AMOTL2: variants seen among roughly 807,000 people sequenced by gnomAD.
AMOTL2 encodes angiomotin like 2.
A neutral mutation model predicts 78.4 loss-of-function variants in AMOTL2; 33 were observed. The observed-to-expected ratio is 0.42, with a 90% CI of 0.32 to 0.56. The LOEUF is 0.56. Ranked by LOEUF, AMOTL2 falls within the 20% of genes least tolerant of loss-of-function variation. The probability of loss-of-function intolerance (pLI) is 0.12; values close to 1 mark genes in which losing one functional copy is unlikely to be tolerated. For synonymous variants in AMOTL2, 422 were observed against 428.8 expected, an observed-to-expected ratio of 0.98 and a Z score of 0.20; for missense variants, 983 against 1,030.1, an observed-to-expected ratio of 0.95 and a Z score of 0.63.
intron 1 of AMOTL2, chr3:134,371,698 A>G (rs2017874685): frequency 1.3e-6 from 1 of 788,578 alleles, no homozygotes; most frequent in Non-Finnish European, 1.8e-6. Flanking sequence ...TCTGAGCCTC[A>G]GTTTCTCCAC....
intron 5 of AMOTL2, among the ~76,000 whole-genome samples, chr3:134,362,451 A>G (rs2017414384): frequency 6.6e-6 from 1 of 152,074 alleles, no homozygotes; most frequent in Non-Finnish European, 1.5e-5. Flanking sequence ...CTCTGGCTAC[A>G]TGGTGAGGCG....
chr3:134,360,336 T>G lies in AMOTL2; in HGVS notation c.1653A>C (p.Gln551His). 1.2e-6 allele frequency: 2 copies of G among 1,614,204 alleles called. No individual in the cohort carries two copies. The change falls in exon 7 of 10, where the codon CAA becomes CAC. Residue 551 changes from glutamine (Q) to histidine (H), a missense_variant. Physicochemically the swap from Gln to His is conservative, Grantham distance 24. Transcript: ENST00000249883. ...GGATCTGCTCCTCCTTCTCTCGCAGTTGTTCTGACAGTCGCAGGGCGCTGA... is the reference window on the plus strand; with the variant it reads ...GGATCTGCTCCTCCTTCTCTCGCAGGTGTTCTGACAGTCGCAGGGCGCTGA... ...PELSALRLSE[Q>H]LREKEEQILA...
chr3:134,368,521 A>G (rs1352550279), intron 2 of AMOTL2, among the ~76,000 whole-genome samples: 1 of 152,196 alleles, frequency 6.6e-6, no homozygotes, highest in Non-Finnish European at 1.5e-5. Context: ...ACCTTGGGCG[A>G]GTGCCTCAGC....
rs1376236168 is a variant in AMOTL2, at chr3:134,359,443, C to A, written c.1944G>T (p.Gln648His). Residue 648 changes from glutamine (Q) to histidine (H), a missense_variant, in exon 8 of 10, where the codon CAG becomes CAT. Coordinates refer to ENST00000249883, the MANE Select transcript of AMOTL2 (RefSeq NM_016201.4). ...CCTTGCCAGGGTCTCTCCTGGAGCGCTGCTGAAGGACCTTGATCACTGCAT... is the reference window on the plus strand; with the variant it reads ...CCTTGCCAGGGTCTCTCCTGGAGCGATGCTGAAGGACCTTGATCACTGCAT... Reference protein sequence around the residue: ...EKDAVIKVLQQRSRRDPGKAI... With the variant: ...EKDAVIKVLQHRSRRDPGKAI... 1 of 1,614,084 alleles carries A rather than the reference C, an allele frequency of 6.2e-7. No individual in the cohort carries two copies. The highest frequency in any genetic ancestry group is 1.3e-5 in the African/African-American group (1 of 74,956).
rs1338704414 is a variant in AMOTL2 at position 134,356,023 on chromosome 3, T to TG, written c.*1681dup. 6.5e-6 allele frequency: 1 copy of TG among 152,672 alleles called. No homozygotes were observed. The highest frequency in any genetic ancestry group is 2.4e-5 in the African/African-American group (1 of 41,468). 9.5% of individuals were successfully genotyped at this position (152,672 alleles called of 1,614,324 possible). A position where few individuals can be genotyped will look rare whatever the true frequency, so the allele number is the denominator to read the frequency against. ...ACATACAGACACACATCATGGTCTTTGGCAGAAAATGTTCACAGCACAAAA... is the reference window on the plus strand; with the variant it reads ...ACATACAGACACACATCATGGTCTTTGGGCAGAAAATGTTCACAGCACAAAA... On this transcript the variant is annotated 3_prime_UTR_variant, in exon 10 of 10. Transcript: ENST00000249883.
intron 6 of AMOTL2, among the ~76,000 whole-genome samples, chr3:134,361,233 A>G (rs1322079167): frequency 2.0e-5 from 3 of 152,024 alleles, no homozygotes; most frequent in African/African-American, 7.2e-5. Flanking sequence ...TCTAGAGGTC[A>G]AGGACAACTA....
rs780047069 is a variant in AMOTL2, at chr3:134,371,477, C to T, written c.-44G>A. Reference sequence around the variant, plus strand: ...CAGCTGCCTGGACAATGGCCGGTGGCACCTGGCCCCAGAGCACCTGGAGTG... The same window carrying T: ...CAGCTGCCTGGACAATGGCCGGTGGTACCTGGCCCCAGAGCACCTGGAGTG... On this transcript the variant is annotated 5_prime_UTR_variant, in exon 2 of 10. Coordinates refer to ENST00000249883, the MANE Select transcript of AMOTL2 (RefSeq NM_016201.4). The T allele has an allele frequency of 6.3e-7, 1 of 1,589,694 alleles. No individual in the cohort carries two copies. Among genetic ancestry groups the T allele is most frequent in the Non-Finnish European group, 8.5e-7 (1 of 1,172,354 alleles).
At position 134,366,401 on chromosome 3, in the gene AMOTL2, A is replaced by T; in HGVS notation, c.1068T>A (p.Ser356=). 2.2e-5 allele frequency: 36 copies of T among 1,613,350 alleles called. No individual in the cohort carries two copies. The highest frequency in any genetic ancestry group is 3.0e-5 in the Non-Finnish European group (35 of 1,179,908). The change falls in exon 4 of 10, where the codon TCT becomes TCA. Residue 356 remains serine, a synonymous_variant. Coordinates refer to ENST00000249883, the MANE Select transcript of AMOTL2 (RefSeq NM_016201.4). ...CTCTGGTCAGGCTCTCATGGGCCTCAGAGAGCCGCTGGATTTCGCTTTCCA... is the reference window on the plus strand; with the variant it reads ...CTCTGGTCAGGCTCTCATGGGCCTCTGAGAGCCGCTGGATTTCGCTTTCCA... ...EKLESEIQRL[S]EAHESLTRAS...
chr3:134,371,450 C>T lies in AMOTL2; in HGVS notation c.-17G>A, dbSNP rs777354725. 1.8e-5 allele frequency: 29 copies of T among 1,599,158 alleles called. No homozygotes were observed. Among genetic ancestry groups the T allele is most frequent in the Admixed American group, 3.3e-5 (2 of 60,008 alleles). On this transcript the variant is annotated 5_prime_UTR_variant, in exon 2 of 10. In the 5' UTR this introduces an upstream ATG that the reference lacks. Coordinates refer to ENST00000249883, the MANE Select transcript of AMOTL2 (RefSeq NM_016201.4). ...TGTCCTCATGCTTCTTTGGCTTGCA[C>T]ACAGCTGCCTGGACAATGGCCGGTG...
chr3:134,367,295 G>A (rs552448024), intron 3 of AMOTL2, among the ~76,000 whole-genome samples: 1 of 152,246 alleles, frequency 6.6e-6, no homozygotes, highest in African/African-American at 2.4e-5. Context: ...CTGCTCTGCC[G>A]GCCTCTCGGC....
intron 2 of AMOTL2, among the ~76,000 whole-genome samples, chr3:134,370,430 G>A: frequency 6.6e-6 from 1 of 152,332 alleles, no homozygotes; most frequent in East Asian, 1.9e-4. Flanking sequence ...GCTGCAATTT[G>A]TGTACTCTGG....
upstream of AMOTL2, chr3:134,375,283 G>T: frequency 6.6e-7 from 1 of 1,523,230 alleles, no homozygotes; most frequent in Non-Finnish European, 8.8e-7. Flanking sequence ...TGCCACCGCT[G>T]GCTTTTCGCC....
In AMOTL2 at chr3:134,367,689, G is replaced by A; in HGVS notation, c.849C>T (p.Gly283=). 3.1e-6 allele frequency: 5 copies of A among 1,613,490 alleles called. No homozygotes were observed. In the South Asian group the frequency reaches 5.5e-5, roughly 18 times the overall value. The change falls in exon 3 of 10, where the codon GGC becomes GGT. Residue 283 remains glycine, a synonymous_variant. Transcript: ENST00000249883. The stretch of plus-strand genomic sequence containing the variant: ...CAGGTGGACTGAGGGAGCTCAGGGG[G>A]CCATGGCCGAGAGCAGCTGGATGTG... ...PPPHPAALGH[G]PLSSLSPPAV...
At chr3:134,361,891 A>G in intron 5 of AMOTL2, 84 bp from the exon 6 acceptor site, 1 of 1,177,664 alleles carries the variant, frequency 8.5e-7, no homozygotes, top group Non-Finnish European at 1.2e-6. Flanking sequence ...TGACCACTGG[A>G]TGAGCACAGT....
chr3:134,360,680 C>T (rs1227672619), intron 6 of AMOTL2, among the ~76,000 whole-genome samples: 1 of 152,184 alleles, frequency 6.6e-6, no homozygotes, highest in Non-Finnish European at 1.5e-5. Flanking sequence ...ACTGGGAAAA[C>T]TGGTGTACAT....
At position 134,360,428 on chromosome 3, in the gene AMOTL2, G is replaced by A; in HGVS notation, c.1576-15C>T. 4 of 1,599,862 alleles carry A rather than the reference G, an allele frequency of 2.5e-6. No homozygotes were observed. In the South Asian group the frequency reaches 4.5e-5, roughly 18 times the overall value. ...CCTGCCTGTCTCTGCAGAGCAAGGAGTAGAGACCGTGGTCAAGGGTGCAGG... is the reference window on the plus strand; with the variant it reads ...CCTGCCTGTCTCTGCAGAGCAAGGAATAGAGACCGTGGTCAAGGGTGCAGG... On this transcript the variant is annotated splice_polypyrimidine_tract_variant and intron_variant, in intron 6 of 9. Coordinates refer to ENST00000249883, the MANE Select transcript of AMOTL2 (RefSeq NM_016201.4).
In AMOTL2 at chr3:134,371,348, C is replaced by A. The variant is rs765734570; in HGVS notation, c.86G>T (p.Arg29Leu). 1 of 1,611,140 alleles carries A rather than the reference C, an allele frequency of 6.2e-7. No individual in the cohort carries two copies. The change falls in exon 2 of 10, where the codon CGC (arginine) becomes CTC (leucine). Residue 29 changes from arginine to leucine, a missense_variant. Coordinates refer to ENST00000249883, the MANE Select transcript of AMOTL2 (RefSeq NM_016201.4). ...CTGCTGCTGGATGGCTAGCAGCGTG[C>A]GCGTCTCAGTCAGGTTGCCGTAGCG... ...QLRYGNLTET[R>L]TLLAIQQQAL... is the part of the protein sequence containing the mutation.
Position 134,359,288 on chromosome 3 carries a change from G to A in AMOTL2, c.2099C>T (p.Thr700Ile). 1.2e-6 allele frequency: 2 copies of A among 1,614,162 alleles called. No individual in the cohort carries two copies. Among genetic ancestry groups the A allele is most frequent in the South Asian group, 2.2e-5 (2 of 91,082 alleles). Residue 700 changes from threonine (T) to isoleucine (I), a missense_variant, in exon 8 of 10, where the codon ACT (threonine) becomes ATT (isoleucine). Physicochemically the swap from Thr to Ile is moderately conservative, Grantham distance 89. Coordinates refer to ENST00000249883, the MANE Select transcript of AMOTL2 (RefSeq NM_016201.4). ...CAGCAGTAGCCTCCTCTTACCTGTA[G>A]TCAGCCGAGCAGGGGCGTCTGCTGT... The part of the protein sequence containing the change: ...RQTADAPARL[T>I]TADRAPTEEP...
chr3:134,374,804 C>G (rs1036599013), upstream of AMOTL2: 15 of 1,038,762 alleles, frequency 1.4e-5, no homozygotes, highest in African/African-American at 1.2e-4. Flanking sequence ...TCCCAGTCGC[C>G]GACCCGCTCT....
Sources: allele counts gnomAD v4.1 joint callset (sites outside exome capture counted in the v4.1 genomes callset), GRCh38; gene constraint gnomAD v4.1.1; transcripts MANE v1.5; gene names NCBI Gene and HGNC (gene_info 2026-07-23, HGNC 2026-07-21).